Variants in TRAK2 observed in about 807,000 individuals in gnomAD.
TRAK2 encodes the protein trafficking kinesin-binding protein 2.
A neutral mutation model predicts 104.6 loss-of-function variants in TRAK2; 81 were observed. The ratio of observed to expected loss-of-function variants is 0.77; its 90% CI spans 0.65 to 0.93. The LOEUF is 0.93. Ranked by LOEUF, TRAK2 falls within the 40% of genes least tolerant of loss-of-function variation. The pLI is 0.00. For missense variants in TRAK2, 1,002 were observed against 1,089.0 expected (o/e 0.92, Z 1.12); for synonymous variants, 406 against 394.4 (o/e 1.03, Z -0.35).
In TRAK2 at chr2:201,380,901, A is replaced by C. The variant is rs1334730844; in HGVS notation, c.2387T>G (p.Val796Gly). 5.6e-6 allele frequency: 9 copies of C among 1,614,022 alleles called. No individual in the cohort carries two copies. Among genetic ancestry groups the C allele is most frequent in the Non-Finnish European group, 7.6e-6 (9 of 1,179,982 alleles). ...GGCCAAAAAATTTTCAGAGAGATGC[A>C]CTCGAGGCTCAAAGGGTAAAGGAGA... Reference protein sequence around the residue: ...CPSPLPFEPRVHLSENFLASR... With the variant: ...CPSPLPFEPRGHLSENFLASR... Residue 796 changes from valine (V) to glycine (G), a missense_variant, in exon 16 of 16, where the codon GTG becomes GGG. Transcript: ENST00000332624.
At chr2:201,403,754 A>T (rs1951569334) in intron 3 of TRAK2, among the ~76,000 whole-genome samples, 1 of 151,770 alleles carries the variant, frequency 6.6e-6, no homozygotes, top group Non-Finnish European at 1.5e-5. Flanking sequence ...CAGAAAAAAA[A>T]AAAAAACCCA....
At chr2:201,436,676 T>C (rs1374811929) in intron 1 of TRAK2, among the ~76,000 whole-genome samples, 1 of 152,200 alleles carries the variant, frequency 6.6e-6, no homozygotes, top group East Asian at 1.9e-4. Context: ...AAACACAAAT[T>C]TGCTTTTGGT....
chr2:201,393,938 G>A (rs1019388609), intron 9 of TRAK2, among the ~76,000 whole-genome samples: 2 of 152,148 alleles, frequency 1.3e-5, no homozygotes, highest in African/African-American at 2.4e-5. Context: ...TTGTAGAGAC[G>A]AAGGTTTCCT....
At chr2:201,415,178 TAG>T (rs1229320782) in intron 2 of TRAK2, among the ~76,000 whole-genome samples, 2 of 152,062 alleles carry the variant, frequency 1.3e-5, no homozygotes, top group African/African-American at 2.4e-5. Context: ...GAGCTTGGTC[TAG>T]AGTATGATCT....
chr2:201,399,938 G>T (rs1951535853), intron 4 of TRAK2, among the ~76,000 whole-genome samples: 1 of 152,026 alleles, frequency 6.6e-6, no homozygotes, highest in Admixed American at 6.6e-5. Context: ...TATGGATCAG[G>T]TACGTATGTA....
chr2:201,438,649 A>G (rs193152074), intron 1 of TRAK2, among the ~76,000 whole-genome samples: 25 of 152,334 alleles, frequency 1.6e-4, no homozygotes, highest in African/African-American at 6.0e-4. Flanking sequence ...AAAGCCTCAG[A>G]TAATTCTACT....
intron 1 of TRAK2, among the ~76,000 whole-genome samples, chr2:201,442,872 A>C (rs1951936719): frequency 6.6e-6 from 1 of 152,220 alleles, no homozygotes; most frequent in Non-Finnish European, 1.5e-5. Context: ...GCTGGAAGAC[A>C]GAAAGGAGAG....
At chr2:201,388,728 A>G (rs1951415213) in intron 12 of TRAK2, among the ~76,000 whole-genome samples, 1 of 152,222 alleles carries the variant, frequency 6.6e-6, no homozygotes. Flanking sequence ...TAATTGTGTG[A>G]CAGTGAGGCA....
intron 1 of TRAK2, among the ~76,000 whole-genome samples, chr2:201,437,807 T>C (rs1484722033): frequency 5.9e-5 from 9 of 152,220 alleles, no homozygotes; most frequent in African/African-American, 1.9e-4. Context: ...ACACCCTCCC[T>C]ACTCTCAGCA....
At chr2:201,427,028 C>T (rs1951794609) in intron 1 of TRAK2, among the ~76,000 whole-genome samples, 1 of 152,094 alleles carries the variant, frequency 6.6e-6, no homozygotes, top group Admixed American at 6.5e-5. Flanking sequence ...ATATTAATAA[C>T]CACCCTTTAT....
rs1351534934 is a variant in TRAK2 at position 201,382,940 on chromosome 2, A to G, written c.2069+1171T>C. On this transcript the variant is annotated intron_variant, in intron 15 of 15. Coordinates refer to ENST00000332624, the MANE Select transcript of TRAK2 (RefSeq NM_015049.3). ...TCCTTACTCTTGATTCCCCTTTGCA[A>G]CATCTTTCTTTTCTACTTCTAGTTA... Among the ~76,000 whole-genome samples the G allele has an allele frequency of 2.0e-5, 3 of 152,140 alleles. No individual in the cohort carries two copies. In the East Asian group the frequency reaches 5.8e-4, roughly 29 times the overall value.
At chr2:201,432,779 C>T (rs1234801130) in intron 1 of TRAK2, among the ~76,000 whole-genome samples, 1 of 152,174 alleles carries the variant, frequency 6.6e-6, no homozygotes, top group Admixed American at 6.5e-5. Context: ...GAAAGTTCAC[C>T]TCTGCTGGGC....
At chr2:201,430,433 T>G (rs1951832070) in intron 1 of TRAK2, among the ~76,000 whole-genome samples, 1 of 152,164 alleles carries the variant, frequency 6.6e-6, no homozygotes, top group Non-Finnish European at 1.5e-5. Context: ...AGAGGTGGAG[T>G]CTACAGAGGC....
rs983976102 is a variant in TRAK2, at chr2:201,395,584, C to G, written c.770-140G>C. On this transcript the variant is annotated intron_variant, in intron 7 of 15. Coordinates refer to ENST00000332624, the MANE Select transcript of TRAK2 (RefSeq NM_015049.3). ...ATTTTTCTTAAACATAAAAAAAAAT[C>G]CAGAGAAACCAATAGAGAAAAATAA... 3.6e-6 allele frequency: 3 copies of G among 836,052 alleles called. No individual in the cohort carries two copies. The African/African-American group carries it at 5.2e-5, about 15-fold the overall frequency. The allele number at this position is 836,052 out of a possible 1,614,324, so 51.8% of individuals were successfully genotyped here.
intron 14 of TRAK2, among the ~76,000 whole-genome samples, chr2:201,385,169 T>C (rs1190778916): frequency 1.3e-5 from 2 of 152,206 alleles, no homozygotes; most frequent in Non-Finnish European, 2.9e-5. Flanking sequence ...TAGGTGGTGA[T>C]ATTAATATGA....
rs539021322 is a variant in TRAK2, at chr2:201,438,359, T to C, written c.-200+12991A>G. Among the ~76,000 whole-genome samples the C allele has an allele frequency of 5.9e-5, 9 of 152,342 alleles. No individual in the cohort carries two copies. The South Asian group carries it at 1.4e-3, about 25-fold the overall frequency. ...TCTGTTGCAAATCAGTCTTTCCTAA[T>C]AATAGTTAGCTGATTGAGTACTTAC... On this transcript the variant is annotated intron_variant, in intron 1 of 15. Coordinates refer to ENST00000332624, the MANE Select transcript of TRAK2 (RefSeq NM_015049.3).
rs199775979 is a variant in TRAK2, at chr2:201,388,014, C to T, written c.1398-13G>A. ...CTTCTGGGAGCTCCTATAGGAAAATCGCGTTCACTGATTAGATCTTGAGGA... is the reference window on the plus strand; with the variant it reads ...CTTCTGGGAGCTCCTATAGGAAAATTGCGTTCACTGATTAGATCTTGAGGA... On this transcript the variant is annotated splice_polypyrimidine_tract_variant and intron_variant, in intron 12 of 15. Transcript: ENST00000332624. 2.6e-5 allele frequency: 42 copies of T among 1,613,838 alleles called. No individual in the cohort carries two copies. The highest frequency in any genetic ancestry group is 3.3e-5 in the South Asian group (3 of 90,978).
chr2:201,394,955 T>C (rs943972235), intron 8 of TRAK2, 83 bp from the exon 9 acceptor site: 2 of 1,214,838 alleles, frequency 1.6e-6, no homozygotes, highest in South Asian at 1.4e-5. Context: ...ATGTGAAGAA[T>C]TTCTCTCTGG....
intron 2 of TRAK2, chr2:201,419,509 CA>C: frequency 1.4e-5 from 1 of 71,010 alleles, no homozygotes; most frequent in East Asian, 5.0e-4. Context: ...CTAGAACAAG[CA>C]AACTTAAAGT....
Sources: allele counts gnomAD v4.1 joint callset (sites outside exome capture counted in the v4.1 genomes callset), GRCh38; gene constraint gnomAD v4.1.1; transcripts MANE v1.5; gene names NCBI Gene and HGNC (gene_info 2026-07-23, HGNC 2026-07-21).